TENM3: variants seen among roughly 807,000 people sequenced by gnomAD.
TENM3 encodes the protein teneurin-3.
Under a neutral mutation model 255.1 loss-of-function variants are expected in TENM3, and 63 were observed. The ratio of observed to expected loss-of-function variants is 0.25; its 90% CI spans 0.20 to 0.30. The LOEUF (loss-of-function observed/expected upper bound fraction) is 0.30, where lower values mean the gene tolerates loss of function less well. Among genes scored for constraint, TENM3 ranks in the 10% least tolerant of loss-of-function variants. The pLI, the probability that TENM3 is intolerant of heterozygous loss-of-function variation, is 1.00. For synonymous variants in TENM3, 1,306 were observed against 1,322.3 expected (o/e 0.99, Z 0.27); for missense variants, 2,929 against 3,461.1 (o/e 0.85, Z 3.86).
chr4:181,574,706 A>T, the TENM3 span, among the ~76,000 whole-genome samples: 1 of 152,174 alleles, frequency 6.6e-6, no homozygotes, highest in East Asian at 1.9e-4. Context: ...TTAAAGGTAG[A>T]ATTATATGTT....
chr4:182,789,020 GT>G lies in TENM3; in HGVS notation c.5305-70del. On this transcript the variant is annotated intron_variant, in intron 24 of 27. Transcript: ENST00000511685. This position sits in a 1 kb window ranked among gnomAD's most constrained non-coding sequence, Gnocchi z 4.4. The stretch of plus-strand genomic sequence containing the variant: ...AAGAGAATCAATCATCGTAAATGGT[GT>G]TTAAACAATACTGGGGACTCCGGTG... The G allele has an allele frequency of 7.5e-7, 1 of 1,334,642 alleles. No individual in the cohort carries two copies. The highest frequency in any genetic ancestry group is 2.5e-5 in the East Asian group (1 of 40,418). 82.7% of individuals were successfully genotyped at this position (1,334,642 alleles called of 1,614,324 possible).
At chr4:181,679,911 G>A in the TENM3 span, among the ~76,000 whole-genome samples, 118,061 of 151,926 alleles carry the variant, frequency 0.78, 46,226 homozygotes, top group Admixed American at 0.87. Flanking sequence ...ATGAGACTTG[G>A]TACACAAATC....
At position 182,715,462 on chromosome 4, in the gene TENM3, A is replaced by G. The variant is rs145577409; in HGVS notation, c.2368+1229A>G. ...CACTTTAACCTCAATTGCCGCATCT[A>G]TAAAATAGGAATAAAAGAGTTTTTG... On this transcript the variant is annotated intron_variant, in intron 13 of 27. Coordinates refer to ENST00000511685, the MANE Select transcript of TENM3 (RefSeq NM_001080477.4). Among the ~76,000 whole-genome samples the G allele has an allele frequency of 6.4e-3, 969 of 152,354 alleles. 12 individuals carry two copies. The highest frequency in any genetic ancestry group is 0.022 in the African/African-American group (907 of 41,586).
the TENM3 span, among the ~76,000 whole-genome samples, chr4:181,852,664 T>A: frequency 1.3e-5 from 2 of 152,188 alleles, no homozygotes; most frequent in Non-Finnish European, 2.9e-5. Flanking sequence ...ATGTCTACAT[T>A]AGAAGAAAAC....
At chr4:181,481,038 ATTC>A in the TENM3 span, among the ~76,000 whole-genome samples, 1 of 151,930 alleles carries the variant, frequency 6.6e-6, no homozygotes, top group African/African-American at 2.4e-5. Flanking sequence ...GACTTAAAAA[ATTC>A]TTCATGATAA....
At chr4:181,594,905 G>C in the TENM3 span, among the ~76,000 whole-genome samples, 2 of 152,150 alleles carry the variant, frequency 1.3e-5, no homozygotes, top group African/African-American at 4.8e-5. Context: ...AAGTTGCTTG[G>C]ACCAAAAAAT....
Position 182,420,012 on chromosome 4 carries a change from T to TATA in TENM3, c.511+73100_511+73102dup, listed in dbSNP as rs749568575. 1.8e-3 allele frequency among the ~76,000 whole-genome samples: 268 copies of TATA among 151,614 alleles called. 1 individual carries two copies. The highest frequency in any genetic ancestry group is 3.7e-3 in the Admixed American group (56 of 15,180). On this transcript the variant is annotated intron_variant, in intron 3 of 27. Transcript: ENST00000511685. ...TCCACATGTACCCTAGAACTTAAAGTATAATAATAATAATAATAAAAAGAA... is the reference window on the plus strand; with the variant it reads ...TCCACATGTACCCTAGAACTTAAAGTATAATAATAATAATAATAATAAAAAGAA...
chr4:182,163,973 G>A (rs901515124), intron 1 of TENM3, among the ~76,000 whole-genome samples: 1 of 152,154 alleles, frequency 6.6e-6, no homozygotes, highest in Non-Finnish European at 1.5e-5. Context: ...CTCATAAACA[G>A]GCAGTTCACA....
Position 182,589,376 on chromosome 4 carries a change from A to G in TENM3, c.512-11548A>G, listed in dbSNP as rs898220063. 6.6e-5 allele frequency among the ~76,000 whole-genome samples: 10 copies of G among 150,522 alleles called. No homozygotes were observed. In the Middle Eastern group the frequency reaches 0.01, roughly 156 times the overall value. On this transcript the variant is annotated intron_variant, in intron 3 of 27. Transcript: ENST00000511685. ...TAATTTCAATGACTACATTTTTCCT[A>G]TGTACAGACATTCTACTTTTGTCAA...
the TENM3 span, among the ~76,000 whole-genome samples, chr4:181,943,756 A>G: frequency 2.0e-5 from 3 of 152,186 alleles, no homozygotes; most frequent in Non-Finnish European, 4.4e-5. Context: ...CATATAATTC[A>G]GCTGTAGTTC....
At chr4:182,379,488 A>T (rs967614825) in intron 3 of TENM3, among the ~76,000 whole-genome samples, 1 of 152,220 alleles carries the variant, frequency 6.6e-6, no homozygotes, top group East Asian at 1.9e-4. Context: ...TTACTAGAAA[A>T]TTGTAAAGGT....
chr4:182,148,144 A>G (rs1750090035), intron 1 of TENM3, among the ~76,000 whole-genome samples: 1 of 152,126 alleles, frequency 6.6e-6, no homozygotes, highest in Non-Finnish European at 1.5e-5. Flanking sequence ...AATTGAGATT[A>G]ATGTTTCTGA....
chr4:182,207,123 A>G (rs1316805980), intron 1 of TENM3, among the ~76,000 whole-genome samples: 1 of 152,158 alleles, frequency 6.6e-6, no homozygotes, highest in Non-Finnish European at 1.5e-5. Flanking sequence ...TTATTTTAGG[A>G]CTATTATGCT....
At chr4:182,625,466 AC>A (rs1257160489) in intron 4 of TENM3, among the ~76,000 whole-genome samples, 1 of 152,022 alleles carries the variant, frequency 6.6e-6, no homozygotes, top group Non-Finnish European at 1.5e-5. Flanking sequence ...GAAAAGTTTC[AC>A]CCCGAAACCA....
the TENM3 span, among the ~76,000 whole-genome samples, chr4:181,633,843 A>T: frequency 6.6e-6 from 1 of 152,224 alleles, no homozygotes; most frequent in African/African-American, 2.4e-5. Context: ...AGGACACTAA[A>T]TAGATTCGTG....
rs1257428948 is a variant in TENM3 at position 182,680,323 on chromosome 4, G to A, written c.1613G>A (p.Gly538Glu). The change falls in exon 9 of 28, where the codon GGA becomes GAA. Residue 538 changes from glycine (G) to glutamate (E), a missense_variant. By Grantham distance (98) the Gly-to-Glu change is moderately conservative. Around this residue, in one of 6 missense-constraint regions of TENM3, gnomAD observed 1,608 missense variants for 1,884.4 expected, o/e 0.85. Coordinates refer to ENST00000511685, the MANE Select transcript of TENM3 (RefSeq NM_001080477.4). ...TCTGGAACTTGCCATTGTTTTCCAG[G>A]ATTTCTGGGTCCGGATTGTTCAAGA... The part of the protein sequence containing the change: ...CVSGTCHCFP[G>E]FLGPDCSRAA... 1 of 1,610,940 alleles carries A rather than the reference G, an allele frequency of 6.2e-7. No homozygotes were observed. The highest frequency in any genetic ancestry group is 8.5e-7 in the Non-Finnish European group (1 of 1,177,808).
the TENM3 span, among the ~76,000 whole-genome samples, chr4:181,578,040 C>G: frequency 6.6e-6 from 1 of 152,106 alleles, no homozygotes; most frequent in South Asian, 2.1e-4. Flanking sequence ...CTACTTACCC[C>G]ACAGGCCAGT....
chr4:182,772,741 T>C (rs1764353161), intron 22 of TENM3: 1 of 151,732 alleles, frequency 6.6e-6, no homozygotes, highest in South Asian at 2.1e-4. Context: ...TGTATTTGTC[T>C]GCTAAAAAGA....
chr4:182,761,479 T>C (rs574128798), intron 22 of TENM3, among the ~76,000 whole-genome samples: 1 of 152,214 alleles, frequency 6.6e-6, no homozygotes, highest in South Asian at 2.1e-4. Flanking sequence ...GAGGATATCC[T>C]TTCCTTTGAT....
Sources: gnomAD v4.1 joint callset for allele counts (sites outside exome capture counted in the v4.1 genomes callset) on GRCh38, gnomAD v4.1.1 for gene constraint, gnomAD v4.1.1 regional missense constraint, Gnocchi (gnomAD v3.1) non-coding constraint, MANE v1.5 for transcripts, NCBI Gene and HGNC (gene_info 2026-07-23, HGNC 2026-07-21) for gene names.